PXYLP1: variants seen among roughly 807,000 people sequenced by gnomAD.
PXYLP1 encodes the protein acid phosphatase-like 2.
PXYLP1 carries 17 observed loss-of-function variants against 37.9 expected under a neutral mutation model. The ratio of observed to expected loss-of-function variants is 0.45; its 90% CI spans 0.31 to 0.67. PXYLP1 has a LOEUF of 0.67. Ranked by LOEUF, PXYLP1 falls within the 30% of genes least tolerant of loss-of-function variation. The pLI is 0.07. For synonymous variants in PXYLP1, 221 were observed against 232.2 expected (o/e 0.95, Z 0.44); for missense variants, 511 against 612.0 (o/e 0.84, Z 1.74).
chr3:141,277,557 TCAC>T (rs1220834281), intron 2 of PXYLP1, among the ~76,000 whole-genome samples: 3 of 152,284 alleles, frequency 2.0e-5, no homozygotes, highest in Middle Eastern at 3.4e-3. Flanking sequence ...AGTCTGTATA[TCAC>T]CTGTCTCGAG....
At chr3:141,280,659 G>A (rs757549942) in intron 4 of PXYLP1, among the ~76,000 whole-genome samples, 6 of 152,280 alleles carry the variant, frequency 3.9e-5, no homozygotes, top group South Asian at 4.1e-4. Context: ...CAGGAACCCC[G>A]GTGAAGGGGA....
chr3:141,262,293 C>A, intron 2 of PXYLP1: 17 of 996,546 alleles, frequency 1.7e-5, no homozygotes, highest in Non-Finnish European at 2.0e-5. Flanking sequence ...TAAAAATATT[C>A]CAGATGGCAA....
chr3:141,292,622 AGCAGCTTAG>A lies in PXYLP1; in HGVS notation c.861_869del (p.Gln288_Arg290del). ...GCCAAGATCGTGGATGTCCCCACCA[AGCAGCTTAG>A]AGCTGCCAACCCCATAGACTCCATG... On this transcript the variant is annotated inframe_deletion, in exon 6 of 6. Transcript: ENST00000286353. The surrounding 1 kb of genome is among the most constrained non-coding windows in gnomAD (Gnocchi z 4.3). The A allele has an allele frequency of 6.2e-7, 1 of 1,613,820 alleles. No homozygotes were observed. Among genetic ancestry groups the A allele is most frequent in the Non-Finnish European group, 8.5e-7 (1 of 1,179,846 alleles).
At chr3:141,241,016 T>G (rs1164110955) in intron 1 of PXYLP1, among the ~76,000 whole-genome samples, 2 of 152,144 alleles carry the variant, frequency 1.3e-5, no homozygotes, top group African/African-American at 2.4e-5. Context: ...GAGAGCTCCC[T>G]GTTTTCAAGT....
intron 4 of PXYLP1, among the ~76,000 whole-genome samples, chr3:141,280,155 CAAATGTGTCT>C (rs2148817951): frequency 6.6e-6 from 1 of 152,334 alleles, no homozygotes; most frequent in South Asian, 2.1e-4. Context: ...TAGACCTCAG[CAAATGTGTCT>C]GGAGGCACAT....
In PXYLP1 at chr3:141,279,409, A is replaced by G; in HGVS notation, c.270A>G (p.Ser90=). ...GHAPHHFKLV[S]VHVFIRHGDR... is the part of the protein sequence containing the mutation. ...CCCCGCATCATTTTAAGCTGGTCTCAGTGCATGTGTTCATTCGCCACGGAG... is the reference window on the plus strand; with the variant it reads ...CCCCGCATCATTTTAAGCTGGTCTCGGTGCATGTGTTCATTCGCCACGGAG... The change falls in exon 4 of 6, where the codon TCA becomes TCG. Residue 90 remains serine (S), a synonymous_variant. Transcript: ENST00000286353. 2 of 1,614,180 alleles carry G rather than the reference A, an allele frequency of 1.2e-6. No homozygotes were observed. Among genetic ancestry groups the G allele is most frequent in the Non-Finnish European group, 1.7e-6 (2 of 1,180,006 alleles).
intron 5 of PXYLP1, among the ~76,000 whole-genome samples, chr3:141,289,858 C>G (rs1370110781): frequency 6.6e-6 from 1 of 152,152 alleles, no homozygotes; most frequent in Non-Finnish European, 1.5e-5. Flanking sequence ...TCTCTGGATC[C>G]AGGAGCTGCT....
intron 2 of PXYLP1, among the ~76,000 whole-genome samples, chr3:141,276,295 C>T (rs968715808): frequency 6.6e-5 from 10 of 152,236 alleles, no homozygotes; most frequent in Non-Finnish European, 1.2e-4. Flanking sequence ...CACCCCATTC[C>T]ATCCTTTCCC....
chr3:141,267,837 C>T (rs1941555882), intron 2 of PXYLP1, among the ~76,000 whole-genome samples: 1 of 151,024 alleles, frequency 6.6e-6, no homozygotes, highest in African/African-American at 2.5e-5. Context: ...CTCCCTCCCT[C>T]TCTGTCTCCC....
At chr3:141,238,293 C>T (rs751813941) in intron 1 of PXYLP1, among the ~76,000 whole-genome samples, 71 of 152,222 alleles carry the variant, frequency 4.7e-4, no homozygotes, top group Non-Finnish European at 7.3e-5. Context: ...CTCCTCAGAC[C>T]TCGCTTTGCT....
intron 4 of PXYLP1, among the ~76,000 whole-genome samples, chr3:141,279,734 C>A (rs1176890510): frequency 6.6e-6 from 1 of 152,190 alleles, no homozygotes; most frequent in Non-Finnish European, 1.5e-5. Flanking sequence ...GTCTGAGGCT[C>A]ACCCTCCCAC....
chr3:141,246,276 C>T (rs961024356), intron 1 of PXYLP1, among the ~76,000 whole-genome samples: 12 of 152,202 alleles, frequency 7.9e-5, no homozygotes, highest in African/African-American at 2.4e-4. Flanking sequence ...TCTGCAAACA[C>T]GCAGACACTA....
chr3:141,246,707 G>A (rs1940967299), intron 1 of PXYLP1, among the ~76,000 whole-genome samples: 1 of 152,228 alleles, frequency 6.6e-6, no homozygotes, highest in African/African-American at 2.4e-5. Flanking sequence ...GGGGATACAT[G>A]TATAGGGAGC....
chr3:141,239,065 T>TAA (rs10709588), intron 1 of PXYLP1, among the ~76,000 whole-genome samples: 1 of 144,246 alleles, frequency 6.9e-6, no homozygotes, highest in Admixed American at 6.8e-5. Context: ...AGTTTTGTCT[T>TAA]AAAAAAAAAA....
chr3:141,279,894 G>A (rs1941906539), intron 4 of PXYLP1, among the ~76,000 whole-genome samples: 1 of 152,194 alleles, frequency 6.6e-6, no homozygotes. Context: ...TCTGAAACGG[G>A]GATCACAAGG....
At position 141,287,390 on chromosome 3, in the gene PXYLP1, T is replaced by G. The variant is rs2148836009; in HGVS notation, c.442T>G (p.Leu148Val). ...KGSGASFESP[L>V]NSLPLYPNHP... ...ATCCGGAGCCTCTTTCGAAAGCCCCTTGAACTCCTTGCCTCTTTACCCAAA... is the reference window on the plus strand; with the variant it reads ...ATCCGGAGCCTCTTTCGAAAGCCCCGTGAACTCCTTGCCTCTTTACCCAAA... The change falls in exon 5 of 6, where the codon TTG becomes GTG. Residue 148 changes from leucine to valine, a missense_variant. Leu to Val is a conservative substitution (Grantham distance 32). Transcript: ENST00000286353. The G allele has an allele frequency of 1.9e-6, 3 of 1,614,140 alleles. No homozygotes were observed. In the East Asian group the frequency reaches 6.7e-5, roughly 36 times the overall value.
At chr3:141,250,126 A>T (rs1941109061) in intron 1 of PXYLP1, among the ~76,000 whole-genome samples, 2 of 152,268 alleles carry the variant, frequency 1.3e-5, no homozygotes, top group South Asian at 4.1e-4. Flanking sequence ...GCATATTTTA[A>T]AAACATGTAA....
chr3:141,253,703 AAACACCTTT>A (rs1231005768), intron 1 of PXYLP1, among the ~76,000 whole-genome samples: 7 of 151,316 alleles, frequency 4.6e-5, no homozygotes, highest in African/African-American at 1.7e-4. Flanking sequence ...AAAAAAAAAA[AAACACCTTT>A]AACTTCTGAC....
At position 141,293,280 on chromosome 3, in the gene PXYLP1, G is replaced by A; in HGVS notation, c.*75G>A. ...GAAAGGTCCACTTCTAGTTTTGTCT[G>A]TTACTAAGGGTAGAAGATTATTGCT... On this transcript the variant is annotated 3_prime_UTR_variant, in exon 6 of 6. Transcript: ENST00000286353. 1.6e-5 allele frequency: 22 copies of A among 1,370,438 alleles called. No homozygotes were observed. The highest frequency in any genetic ancestry group is 2.2e-5 in the Non-Finnish European group (22 of 1,011,212). 84.9% of individuals were successfully genotyped at this position (1,370,438 alleles called of 1,614,324 possible). A position where few individuals can be genotyped will look rare whatever the true frequency, so the allele number is the denominator to read the frequency against.
Sources: allele counts gnomAD v4.1 joint callset (sites outside exome capture counted in the v4.1 genomes callset), GRCh38; gene constraint gnomAD v4.1.1; non-coding constraint Gnocchi (gnomAD v3.1); transcripts MANE v1.5; gene names NCBI Gene and HGNC (gene_info 2026-07-23, HGNC 2026-07-21).